Variants in SIPA1L3 observed in about 807,000 individuals in gnomAD.
SIPA1L3 encodes the protein signal-induced proliferation-associated 1-like protein 3.
SIPA1L3 carries 59 observed loss-of-function variants against 150.1 expected under a neutral mutation model. The observed-to-expected ratio is 0.39, with a 90% confidence interval of 0.32 to 0.49. The LOEUF (loss-of-function observed/expected upper bound fraction) is 0.49. Ranked by LOEUF, SIPA1L3 falls within the 20% of genes least tolerant of loss-of-function variation. The probability of loss-of-function intolerance (pLI) is 0.86; values close to 1 mark genes in which losing one functional copy is unlikely to be tolerated. For missense variants in SIPA1L3, 2,211 were observed against 2,489.5 expected, an observed-to-expected ratio of 0.89 and a Z score of 2.38; for synonymous variants, 1,070 against 1,077.6, an observed-to-expected ratio of 0.99 and a Z score of 0.14.
At chr19:37,913,644 C>T (rs1843331755) in intron 1 of SIPA1L3, among the ~76,000 whole-genome samples, 1 of 151,972 alleles carries the variant, frequency 6.6e-6, no homozygotes, top group Non-Finnish European at 1.5e-5. Context: ...GATCTGCCTA[C>T]CTTGGCCTTG....
intron 15 of SIPA1L3, among the ~76,000 whole-genome samples, chr19:38,172,998 AG>A (rs201798986): frequency 0.018 from 2,785 of 152,248 alleles, 80 homozygotes; most frequent in African/African-American, 0.062. Context: ...GCTACTTGGG[AG>A]GCTGAGGTTG....
At chr19:37,934,094 G>C (rs2046579265) in intron 1 of SIPA1L3, among the ~76,000 whole-genome samples, 1 of 152,130 alleles carries the variant, frequency 6.6e-6, no homozygotes, top group Admixed American at 6.5e-5. Context: ...CGAAGAATCT[G>C]ACCGTGTAAT....
intron 6 of SIPA1L3, among the ~76,000 whole-genome samples, chr19:38,104,020 A>G (rs559956641): frequency 3.3e-5 from 5 of 152,196 alleles, no homozygotes; most frequent in Non-Finnish European, 5.9e-5. Flanking sequence ...CAGGTGTCAC[A>G]GCTCCCTGGG....
chr19:38,116,896 C>T (rs1222609907), intron 8 of SIPA1L3, among the ~76,000 whole-genome samples: 1 of 152,184 alleles, frequency 6.6e-6, no homozygotes, highest in Non-Finnish European at 1.5e-5. Flanking sequence ...ACATAACTCA[C>T]CTGCCCTGGG....
At chr19:37,980,570 G>T (rs117744591) in intron 1 of SIPA1L3, among the ~76,000 whole-genome samples, 2 of 152,186 alleles carry the variant, frequency 1.3e-5, no homozygotes, top group Admixed American at 6.5e-5. Context: ...TCCGGGGAGC[G>T]TGGCTCCCTC....
At chr19:38,010,800 A>T (rs949210619) in intron 1 of SIPA1L3, among the ~76,000 whole-genome samples, 1 of 152,170 alleles carries the variant, frequency 6.6e-6, no homozygotes, top group Non-Finnish European at 1.5e-5. Context: ...CCACTGTGTG[A>T]CCTTGAGTAA....
At chr19:38,198,729 A>AC (rs1973022564) in intron 19 of SIPA1L3, among the ~76,000 whole-genome samples, 197 bp downstream of exon 19, 1 of 152,240 alleles carries the variant, frequency 6.6e-6, no homozygotes, top group Non-Finnish European at 1.5e-5. Context: ...CCAGCGAACC[A>AC]CGTTGACCAA....
intron 1 of SIPA1L3, among the ~76,000 whole-genome samples, chr19:37,948,809 C>A (rs1158513415): frequency 6.6e-6 from 1 of 152,038 alleles, no homozygotes; most frequent in East Asian, 1.9e-4. Flanking sequence ...TAGAAGTGAC[C>A]AAGGCAGGCC....
intron 1 of SIPA1L3, among the ~76,000 whole-genome samples, chr19:37,974,615 A>G (rs1967032646): frequency 6.6e-6 from 1 of 151,964 alleles, no homozygotes; most frequent in Non-Finnish European, 1.5e-5. Context: ...GAGATGCAGG[A>G]GCAGAAGGCT....
chr19:37,941,715 T>G (rs2046660256), intron 1 of SIPA1L3, among the ~76,000 whole-genome samples: 1 of 152,224 alleles, frequency 6.6e-6, no homozygotes, highest in Non-Finnish European at 1.5e-5. Flanking sequence ...TCGTGCATTG[T>G]CAGACCTTAT....
chr19:38,020,261 A>G (rs1002935771), intron 1 of SIPA1L3, among the ~76,000 whole-genome samples: 6 of 152,218 alleles, frequency 3.9e-5, no homozygotes, highest in Non-Finnish European at 7.3e-5. Context: ...TGAGGCACAG[A>G]GAGGGTAAGT....
chr19:38,135,222 C>T (rs1174051772), intron 10 of SIPA1L3, among the ~76,000 whole-genome samples: 2 of 152,194 alleles, frequency 1.3e-5, no homozygotes, highest in African/African-American at 4.8e-5. Flanking sequence ...GCTCTCTCTC[C>T]ACTTGGTGGG....
rs199735658 is a variant in SIPA1L3 at position 38,128,756 on chromosome 19, G to T, written c.2869-1742G>T. Among the ~76,000 whole-genome samples the T allele has an allele frequency of 7.2e-5, 11 of 152,118 alleles. No individual in the cohort carries two copies. The East Asian group carries it at 2.1e-3, about 29-fold the overall frequency. ...TACTAAAAGTACCAAAATTAGCTGG[G>T]TGTGGTGGCAGATGCCTGTAATCCC... is the stretch of plus-strand genomic sequence containing the variant. On this transcript the variant is annotated intron_variant, in intron 9 of 21. Transcript: ENST00000222345.
chr19:37,961,158 C>T (rs796770992), intron 1 of SIPA1L3, among the ~76,000 whole-genome samples: 5 of 149,310 alleles, frequency 3.3e-5, no homozygotes, highest in East Asian at 4.0e-4. Flanking sequence ...TGTGAGCCAC[C>T]GTGCCCAACC....
intron 1 of SIPA1L3, 141 bp downstream of exon 1, chr19:37,907,499 C>T (rs1191581613): frequency 1.3e-5 from 2 of 152,302 alleles, no homozygotes; most frequent in African/African-American, 2.4e-5. Flanking sequence ...GACTCGCGCC[C>T]TCCGGACCCA....
intron 16 of SIPA1L3, among the ~76,000 whole-genome samples, chr19:38,188,279 G>C (rs754535391): frequency 1.3e-4 from 20 of 151,596 alleles, no homozygotes; most frequent in Non-Finnish European, 2.9e-4. Flanking sequence ...TCTGCCTCCT[G>C]GTACAAGTGA....
At chr19:37,952,405 G>T (rs1385037527) in intron 1 of SIPA1L3, among the ~76,000 whole-genome samples, 1 of 152,172 alleles carries the variant, frequency 6.6e-6, no homozygotes, top group African/African-American at 2.4e-5. Flanking sequence ...AGGCGCAGTG[G>T]CTCATGCCTG....
At chr19:37,959,433 T>TG (rs2046838102) in intron 1 of SIPA1L3, among the ~76,000 whole-genome samples, 1 of 152,226 alleles carries the variant, frequency 6.6e-6, no homozygotes, top group Non-Finnish European at 1.5e-5. Flanking sequence ...GAGCACATCT[T>TG]GCTTCATCCC....
chr19:38,030,603 T>TTA (rs58410246), intron 2 of SIPA1L3, among the ~76,000 whole-genome samples: 6,575 of 137,750 alleles, frequency 0.048, 780 homozygotes, highest in African/African-American at 0.18. Flanking sequence ...TACACATATT[T>TTA]TATATATATA....
Sources: gnomAD v4.1 joint callset for allele counts (sites outside exome capture counted in the v4.1 genomes callset) on GRCh38, gnomAD v4.1.1 for gene constraint, MANE v1.5 for transcripts, NCBI Gene and HGNC (gene_info 2026-07-23, HGNC 2026-07-21) for gene names.